Variants in NDUFAF2 observed in about 807,000 individuals in gnomAD.
NDUFAF2 encodes the protein NADH:ubiquinone oxidoreductase complex assembly factor 2.
In NDUFAF2, 13 loss-of-function variants were observed where a neutral mutation model predicts 22.8. That is an observed-to-expected ratio of 0.57 (90% confidence interval 0.37 to 0.91). The LOEUF (loss-of-function observed/expected upper bound fraction) is 0.91. Among genes scored for constraint, NDUFAF2 ranks in the 40% least tolerant of loss-of-function variants. The pLI is 0.01. For missense variants in NDUFAF2, 162 were observed against 195.2 expected (o/e 0.83, Z 1.01); for synonymous variants, 53 against 64.2 (o/e 0.83, Z 0.84).
At chr5:61,030,973 T>C (rs1325241782) in intron 1 of NDUFAF2, among the ~76,000 whole-genome samples, 1 of 152,140 alleles carries the variant, frequency 6.6e-6, no homozygotes, top group Non-Finnish European at 1.5e-5. Flanking sequence ...CCTTTCTATT[T>C]TGTTAACTTT....
intron 1 of NDUFAF2, among the ~76,000 whole-genome samples, chr5:61,068,817 C>T (rs1029399932): frequency 2.0e-5 from 3 of 152,070 alleles, no homozygotes; most frequent in East Asian, 1.9e-4. Context: ...TTTTACCAAC[C>T]GAAATGTCAG....
At chr5:60,997,113 C>T (rs1244254545) in intron 1 of NDUFAF2, among the ~76,000 whole-genome samples, 1 of 152,170 alleles carries the variant, frequency 6.6e-6, no homozygotes, top group Non-Finnish European at 1.5e-5. Context: ...AGAATAATAT[C>T]AAGCTCTATA....
chr5:61,019,880 G>T (rs540925560), intron 1 of NDUFAF2, among the ~76,000 whole-genome samples: 1 of 152,062 alleles, frequency 6.6e-6, no homozygotes, highest in Non-Finnish European at 1.5e-5. Context: ...GGAACAGATT[G>T]TGTAAAACAG....
intron 1 of NDUFAF2, among the ~76,000 whole-genome samples, chr5:61,041,372 G>A (rs1380220475): frequency 6.6e-6 from 1 of 151,952 alleles, no homozygotes; most frequent in Non-Finnish European, 1.5e-5. Flanking sequence ...ACCAATAGAG[G>A]TACTAATGAC....
At chr5:60,975,684 G>T (rs1750893598) in intron 1 of NDUFAF2, among the ~76,000 whole-genome samples, 1 of 152,180 alleles carries the variant, frequency 6.6e-6, no homozygotes, top group South Asian at 2.1e-4. Flanking sequence ...TCAGCAAGGG[G>T]TGACTGATCA....
At chr5:61,073,033 A>C (rs565789455) in intron 1 of NDUFAF2, 92 bp from the exon 2 acceptor site, 1 of 803,392 alleles carries the variant, frequency 1.2e-6, no homozygotes, top group Admixed American at 1.8e-5. Flanking sequence ...TTCTTTTACT[A>C]TATAAGGGGT....
chr5:61,018,763 T>TCC (rs1292917941), intron 1 of NDUFAF2, among the ~76,000 whole-genome samples: 4 of 152,058 alleles, frequency 2.6e-5, no homozygotes, highest in Non-Finnish European at 5.9e-5. Context: ...AATGGAAACT[T>TCC]TAAATAAAAA....
At chr5:60,991,672 T>C (rs950780407) in intron 1 of NDUFAF2, among the ~76,000 whole-genome samples, 1 of 152,246 alleles carries the variant, frequency 6.6e-6, no homozygotes, top group South Asian at 2.1e-4. Flanking sequence ...ATTGTGTATA[T>C]GTACCACCTT....
chr5:60,960,090 A>G (rs991651157), intron 1 of NDUFAF2, among the ~76,000 whole-genome samples: 2 of 152,184 alleles, frequency 1.3e-5, no homozygotes, highest in Non-Finnish European at 2.9e-5. Context: ...TGCCATAGAA[A>G]TATGAAACAT....
chr5:60,987,430 A>G (rs1455501626), intron 1 of NDUFAF2, among the ~76,000 whole-genome samples: 1 of 152,216 alleles, frequency 6.6e-6, no homozygotes, highest in Non-Finnish European at 1.5e-5. Flanking sequence ...CATTCTATGA[A>G]ACCAGTGTTA....
At chr5:61,006,368 G>A (rs563528624) in intron 1 of NDUFAF2, among the ~76,000 whole-genome samples, 76 of 152,292 alleles carry the variant, frequency 5.0e-4, no homozygotes, top group South Asian at 2.5e-3. Flanking sequence ...TTTGAAGTCA[G>A]GTAGCGTGAT....
intron 3 of NDUFAF2, among the ~76,000 whole-genome samples, chr5:61,126,861 G>T (rs1204277404): frequency 6.6e-6 from 1 of 151,852 alleles, no homozygotes; most frequent in South Asian, 2.1e-4. Flanking sequence ...CTGGTTTTTT[G>T]AAAAGATCAA....
intron 1 of NDUFAF2, among the ~76,000 whole-genome samples, chr5:61,002,715 A>G (rs74486977): frequency 0.024 from 3,653 of 152,222 alleles, 62 homozygotes; most frequent in Non-Finnish European, 0.037. Flanking sequence ...GGAGTGATGC[A>G]TCTGTTTCCT....
Position 60,995,677 on chromosome 5 carries a change from C to T in NDUFAF2, c.127+50295C>T, listed in dbSNP as rs569746812. Among the ~76,000 whole-genome samples the T allele has an allele frequency of 1.2e-4, 18 of 152,338 alleles. No individual in the cohort carries two copies. The East Asian group carries it at 3.1e-3, about 26-fold the overall frequency. Reference sequence around the variant, plus strand: ...TTGCCCAAGGCCTGCTGTAACCACTCCCTGGCTACACTACTGCCTATATGT... The same window carrying T: ...TTGCCCAAGGCCTGCTGTAACCACTTCCTGGCTACACTACTGCCTATATGT... On this transcript the variant is annotated intron_variant, in intron 1 of 3. Coordinates refer to ENST00000296597, the MANE Select transcript of NDUFAF2 (RefSeq NM_174889.5).
At chr5:61,125,557 A>G (rs1028150778) in intron 3 of NDUFAF2, among the ~76,000 whole-genome samples, 1 of 152,092 alleles carries the variant, frequency 6.6e-6, no homozygotes, top group Admixed American at 6.6e-5. Flanking sequence ...CAAGGTCCAC[A>G]TCAATAACTT....
At chr5:60,978,576 T>C (rs1030017423) in intron 1 of NDUFAF2, among the ~76,000 whole-genome samples, 4 of 152,172 alleles carry the variant, frequency 2.6e-5, no homozygotes, top group Non-Finnish European at 5.9e-5. Flanking sequence ...ACTATTGCGA[T>C]GATAGCACCA....
chr5:61,048,179 C>T (rs1257694340), intron 1 of NDUFAF2, among the ~76,000 whole-genome samples: 1 of 151,958 alleles, frequency 6.6e-6, no homozygotes, highest in Non-Finnish European at 1.5e-5. Context: ...AAATTCATTC[C>T]CTTGGCTGTT....
chr5:61,128,628 C>A (rs1753067463), intron 3 of NDUFAF2, among the ~76,000 whole-genome samples: 1 of 152,144 alleles, frequency 6.6e-6, no homozygotes, highest in African/African-American at 2.4e-5. Context: ...TCCTTCCTTA[C>A]ACCTTATACA....
At chr5:61,029,849 G>A (rs1016927013) in intron 1 of NDUFAF2, among the ~76,000 whole-genome samples, 3 of 152,152 alleles carry the variant, frequency 2.0e-5, no homozygotes, top group African/African-American at 7.2e-5. Context: ...CTTGCCGGCA[G>A]CTAGCCCAAT....
Sources: gnomAD v4.1 joint callset for allele counts (sites outside exome capture counted in the v4.1 genomes callset) on GRCh38, gnomAD v4.1.1 for gene constraint, MANE v1.5 for transcripts, NCBI Gene and HGNC (gene_info 2026-07-23, HGNC 2026-07-21) for gene names.